Variants in MALRD1 observed in about 807,000 individuals in gnomAD.
MALRD1 encodes the protein MAM and LDL receptor class A domain containing 1, also known as MAM and LDL-receptor class A domain-containing protein 1.
MALRD1 carries 247 observed loss-of-function variants against 242.1 expected under a neutral mutation model. That is an observed-to-expected ratio of 1.02 (90% CI 0.92 to 1.13). MALRD1 has a LOEUF of 1.13. Among genes scored for constraint, MALRD1 ranks in the 50% most tolerant of loss-of-function variants. The pLI is 0.00. For synonymous variants in MALRD1, 995 were observed against 866.6 expected, an observed-to-expected ratio of 1.15 and a Z score of -2.60; for missense variants, 2,989 against 2,533.1, an observed-to-expected ratio of 1.18 and a Z score of -3.86.
intron 36 of MALRD1, among the ~76,000 whole-genome samples, chr10:19,659,530 T>C (rs1476034854): frequency 6.6e-6 from 1 of 152,186 alleles, no homozygotes; most frequent in Non-Finnish European, 1.5e-5. Flanking sequence ...TAAATTTTAA[T>C]ATGGGATTCC....
At chr10:19,342,047 G>C (rs1330149112) in intron 24 of MALRD1, among the ~76,000 whole-genome samples, 1 of 152,066 alleles carries the variant, frequency 6.6e-6, no homozygotes. Context: ...TGGGGGAGAA[G>C]GGACTGTGGT....
At position 19,551,817 on chromosome 10, in the gene MALRD1, A is replaced by G. The variant is rs541541722; in HGVS notation, c.5479-15685A>G. 3.6e-4 allele frequency among the ~76,000 whole-genome samples: 54 copies of G among 152,060 alleles called. 1 individual carries two copies. Among genetic ancestry groups the G allele is most frequent in the Non-Finnish European group, 6.9e-4 (47 of 67,988 alleles). On this transcript the variant is annotated intron_variant, in intron 32 of 39. Transcript: ENST00000454679. Reference sequence around the variant, plus strand: ...TAACCTGAACAGATGCTGAATTTCAATGAAAGCCTTTTTGCATCTATTGAG... The same window carrying G: ...TAACCTGAACAGATGCTGAATTTCAGTGAAAGCCTTTTTGCATCTATTGAG...
chr10:19,054,526 C>T (rs747712368), intron 1 of MALRD1, among the ~76,000 whole-genome samples: 10 of 152,070 alleles, frequency 6.6e-5, no homozygotes, highest in African/African-American at 1.4e-4. Flanking sequence ...CTTATCTATC[C>T]GAAACTTTGT....
intron 27 of MALRD1, among the ~76,000 whole-genome samples, chr10:19,388,360 C>T (rs986855309): frequency 6.6e-6 from 1 of 152,076 alleles, no homozygotes; most frequent in Non-Finnish European, 1.5e-5. Flanking sequence ...AGTTTTTAGC[C>T]AAAATCCAAT....
intron 34 of MALRD1, among the ~76,000 whole-genome samples, chr10:19,605,315 TG>T (rs988709149): frequency 1.1e-3 from 165 of 151,512 alleles, no homozygotes; most frequent in African/African-American, 3.6e-3. Context: ...CCACCAATCC[TG>T]GCTATTTTTA....
intron 19 of MALRD1, among the ~76,000 whole-genome samples, chr10:19,273,443 T>A (rs1840353908): frequency 6.6e-6 from 1 of 152,242 alleles, no homozygotes; most frequent in African/African-American, 2.4e-5. Flanking sequence ...GATAGGTGTT[T>A]ATAGCAGCTT....
At position 19,241,060 on chromosome 10, in the gene MALRD1, G is replaced by A. The variant is rs552345328; in HGVS notation, c.2992-16624G>A. On this transcript the variant is annotated intron_variant, in intron 18 of 39. Transcript: ENST00000454679. ...TGTCTTTGTCTGGTTTTAGAATCAAGATATTGCGAGCCTCATAAGATGAGT... is the reference window on the plus strand; with the variant it reads ...TGTCTTTGTCTGGTTTTAGAATCAAAATATTGCGAGCCTCATAAGATGAGT... Among the ~76,000 whole-genome samples the A allele has an allele frequency of 3.2e-4, 48 of 152,078 alleles. 2 individuals carry two copies. The highest frequency in any genetic ancestry group is 7.4e-5 in the Non-Finnish European group (5 of 67,990).
chr10:19,707,303 C>T (rs1833911651), intron 38 of MALRD1, among the ~76,000 whole-genome samples: 1 of 152,092 alleles, frequency 6.6e-6, no homozygotes, highest in Non-Finnish European at 1.5e-5. Context: ...GCCCAATGCA[C>T]ATCACTTATG....
At chr10:19,293,533 A>T (rs1289482692) in intron 21 of MALRD1, among the ~76,000 whole-genome samples, 2 of 152,222 alleles carry the variant, frequency 1.3e-5, no homozygotes, top group Non-Finnish European at 2.9e-5. Context: ...TTTTGATTTT[A>T]TTCAAAGATA....
At chr10:19,057,243 A>G (rs1834695696) in intron 1 of MALRD1, among the ~76,000 whole-genome samples, 1 of 152,142 alleles carries the variant, frequency 6.6e-6, no homozygotes, top group Non-Finnish European at 1.5e-5. Context: ...CAGTACATTT[A>G]CCTTCAAGGA....
intron 5 of MALRD1, among the ~76,000 whole-genome samples, chr10:19,116,077 A>G (rs1836860525): frequency 1.3e-5 from 2 of 152,262 alleles, no homozygotes; most frequent in South Asian, 4.1e-4. Context: ...ATGAAATTTT[A>G]TTGTACATTT....
At chr10:19,371,340 A>T (rs1014809049) in intron 26 of MALRD1, among the ~76,000 whole-genome samples, 1 of 152,176 alleles carries the variant, frequency 6.6e-6, no homozygotes, top group Admixed American at 6.5e-5. Context: ...TATTAGCTGT[A>T]CATTTTTTAT....
intron 21 of MALRD1, among the ~76,000 whole-genome samples, chr10:19,311,216 T>G (rs1036051954): frequency 1.3e-5 from 2 of 151,406 alleles, no homozygotes; most frequent in African/African-American, 4.8e-5. Flanking sequence ...ATGAGTTATA[T>G]TCTTAACTCA....
chr10:19,259,490 A>C (rs1839654183), intron 19 of MALRD1, among the ~76,000 whole-genome samples: 1 of 152,176 alleles, frequency 6.6e-6, no homozygotes, highest in African/African-American at 2.4e-5. Context: ...AGTTATAGGC[A>C]AAGAGAGTGT....
At chr10:19,690,980 A>G (rs1278604960) in intron 36 of MALRD1, among the ~76,000 whole-genome samples, 8 of 152,166 alleles carry the variant, frequency 5.3e-5, no homozygotes, top group Admixed American at 2.6e-4. Context: ...TGTAGCCCTG[A>G]TGCCAGGAAA....
chr10:19,731,492 TTG>T (rs199973822), intron 39 of MALRD1, among the ~76,000 whole-genome samples: 2,480 of 146,556 alleles, frequency 0.017, 28 homozygotes, highest in Non-Finnish European at 0.026. Flanking sequence ...ATAGTTTACT[TTG>T]TGTGTGTGTG....
intron 21 of MALRD1, among the ~76,000 whole-genome samples, chr10:19,316,890 T>C (rs1842728422): frequency 6.6e-6 from 1 of 151,740 alleles, no homozygotes; most frequent in East Asian, 1.9e-4. Context: ...ATAATTTAAT[T>C]GTGCACCTTA....
intron 25 of MALRD1, among the ~76,000 whole-genome samples, chr10:19,349,792 T>C (rs1166198034): frequency 2.0e-5 from 3 of 152,114 alleles, no homozygotes; most frequent in Admixed American, 1.3e-4. Context: ...ATACGAAAAT[T>C]CCAGGTTGAC....
intron 18 of MALRD1, 97 bp from the exon 19 acceptor site, chr10:19,257,587 G>T: frequency 1.1e-6 from 1 of 927,420 alleles, no homozygotes; most frequent in Non-Finnish European, 1.6e-6. Context: ...GGTTATATTT[G>T]GGTACATTTT....
Sources: allele counts gnomAD v4.1 joint callset (sites outside exome capture counted in the v4.1 genomes callset), GRCh38; gene constraint gnomAD v4.1.1; transcripts MANE v1.5; gene names NCBI Gene and HGNC (gene_info 2026-07-23, HGNC 2026-07-21).